The following LRRFIP1 variants were observed in gnomAD, a reference collection of about 807,000 sequenced individuals.
LRRFIP1 encodes LRR binding FLII interacting protein 1, also known as leucine-rich repeat flightless-interacting protein 1.
In LRRFIP1, 62 loss-of-function variants were observed where a neutral mutation model predicts 104.4. The observed-to-expected ratio is 0.59, with a 90% CI of 0.48 to 0.73. The LOEUF (loss-of-function observed/expected upper bound fraction) is 0.73. Ranked by LOEUF, LRRFIP1 falls within the 30% of genes least tolerant of loss-of-function variation. The probability of loss-of-function intolerance (pLI) is 0.00; values close to 1 mark genes in which losing one functional copy is unlikely to be tolerated. For missense variants in LRRFIP1, 796 were observed against 824.5 expected (o/e 0.97, Z 0.42); for synonymous variants, 300 against 299.0 (o/e 1.00, Z -0.03).
chr2:237,723,967 G>A (rs915866197), intron 7 of LRRFIP1, among the ~76,000 whole-genome samples: 5 of 151,768 alleles, frequency 3.3e-5, no homozygotes, highest in Non-Finnish European at 5.9e-5. Flanking sequence ...TGCTTTAAAA[G>A]ATTAAATGTA....
chr2:237,715,535 T>G (rs1369907267), intron 3 of LRRFIP1, among the ~76,000 whole-genome samples: 1 of 152,172 alleles, frequency 6.6e-6, no homozygotes, highest in Non-Finnish European at 1.5e-5. Flanking sequence ...TGTCAGAATG[T>G]GAATTTGTGT....
rs115012912 is a variant in LRRFIP1 at position 237,717,506 on chromosome 2, G to A, written c.202-256G>A. Among the ~76,000 whole-genome samples, 1,335 of 152,278 alleles carry A rather than the reference G, an allele frequency of 8.8e-3. 19 individuals are homozygous for A. The highest frequency in any genetic ancestry group is 0.03 in the African/African-American group (1,235 of 41,550). ...GAGGCCCTTCACCTGGGGAAGCTTC[G>A]TCCTGGGCTCTCTTGCTTTGCCGGG... is the stretch of plus-strand genomic sequence containing the variant. On this transcript the variant is annotated intron_variant, in intron 3 of 23. Coordinates refer to ENST00000308482, the MANE Select transcript of LRRFIP1 (RefSeq NM_001137550.2). The surrounding 1 kb of genome is among the most constrained non-coding windows in gnomAD (Gnocchi z 4.2).
chr2:237,697,752 A>G (rs979032297), intron 1 of LRRFIP1, among the ~76,000 whole-genome samples: 1 of 152,178 alleles, frequency 6.6e-6, no homozygotes, highest in African/African-American at 2.4e-5. Context: ...TGGAGCCCAG[A>G]CGTGCTGCCT....
At position 237,779,488 on chromosome 2, in the gene LRRFIP1, G is replaced by A. The variant is rs1369074985; in HGVS notation, c.1879G>A (p.Glu627Lys). 6 of 1,613,780 alleles carry A rather than the reference G, an allele frequency of 3.7e-6. No homozygotes were observed. Among genetic ancestry groups the A allele is most frequent in the Non-Finnish European group, 5.1e-6 (6 of 1,179,730 alleles). ...CAACGGCCACTTAGTGAAGCGTCTG[G>A]AAAAAATGAAAGCAAATCGGAGTGC... ...VSNGHLVKRL[E>K]KMKANRSALL... The change falls in exon 24 of 24, where the codon GAA becomes AAA. Residue 627 changes from glutamate to lysine, a missense_variant. Glu to Lys is a moderately conservative substitution (Grantham distance 56). Coordinates refer to ENST00000308482, the MANE Select transcript of LRRFIP1 (RefSeq NM_001137550.2).
chr2:237,670,249 C>T (rs566251645), intron 1 of LRRFIP1, among the ~76,000 whole-genome samples: 1 of 152,314 alleles, frequency 6.6e-6, no homozygotes, highest in African/African-American at 2.4e-5. Flanking sequence ...GTCAGTGCCC[C>T]GACACCTCGG....
At chr2:237,752,109 C>T (rs1481605343) in intron 14 of LRRFIP1, among the ~76,000 whole-genome samples, 3 of 152,084 alleles carry the variant, frequency 2.0e-5, no homozygotes, top group African/African-American at 4.8e-5. Context: ...TCAATTCATG[C>T]GAAAAGGAGC....
At chr2:237,666,783 C>CTTTCTT (rs1261267178) in intron 1 of LRRFIP1, among the ~76,000 whole-genome samples, 2 of 56,878 alleles carry the variant, frequency 3.5e-5, no homozygotes, top group Non-Finnish European at 8.1e-5. Context: ...CTCTCTGTCT[C>CTTTCTT]TTTCTTTCTC....
At chr2:237,634,445 G>A (rs887072008) in intron 1 of LRRFIP1, among the ~76,000 whole-genome samples, 21 of 152,152 alleles carry the variant, frequency 1.4e-4, no homozygotes, top group Non-Finnish European at 2.9e-4. Context: ...CAGATTTCCT[G>A]GGTTCAAATC....
rs775718307 is a variant in LRRFIP1 at position 237,717,729 on chromosome 2, TC to T, written c.202-32del. 2 of 1,553,676 alleles carry T rather than the reference TC, an allele frequency of 1.3e-6. No homozygotes were observed. The highest frequency in any genetic ancestry group is 3.3e-5 in the Admixed American group (2 of 59,950). On this transcript the variant is annotated intron_variant, in intron 3 of 23. Transcript: ENST00000308482. The surrounding 1 kb of genome is among the most constrained non-coding windows in gnomAD (Gnocchi z 4.2). ...AACTGCCTTTTTAAGAAATTTCACT[TC>T]TTGCCTAATTTTCTTTCCCTTCTGT...
rs192751442 is a variant in LRRFIP1, at chr2:237,655,150, G to A, written c.96+27410G>A. On this transcript the variant is annotated intron_variant, in intron 1 of 23. Transcript: ENST00000308482. ...TTTTGAGACGGAGTCTCGCTCTGTC[G>A]CCCAGGCTGGAGTGCAGTGGCGGGA... 1.0e-4 allele frequency among the ~76,000 whole-genome samples: 5 copies of A among 47,952 alleles called. 1 individual carries two copies. Among genetic ancestry groups the A allele is most frequent in the Non-Finnish European group, 1.2e-4 (3 of 24,718 alleles). The allele number at this position is 47,952 out of a possible 152,430, so 31.5% of individuals were successfully genotyped here. A position where few individuals can be genotyped will look rare whatever the true frequency, so the allele number is the denominator to read the frequency against.
At chr2:237,683,141 T>C (rs771246577) in intron 1 of LRRFIP1, among the ~76,000 whole-genome samples, 25 of 152,100 alleles carry the variant, frequency 1.6e-4, no homozygotes, top group African/African-American at 5.3e-4. Flanking sequence ...TCTTTATCAA[T>C]CCTAGGGTTT....
chr2:237,704,736 A>G (rs2093719163), intron 1 of LRRFIP1, among the ~76,000 whole-genome samples: 1 of 152,130 alleles, frequency 6.6e-6, no homozygotes, highest in South Asian at 2.1e-4. Flanking sequence ...AAGGATTTGG[A>G]ATTGTATTCA....
intron 11 of LRRFIP1, among the ~76,000 whole-genome samples, chr2:237,743,602 C>T (rs748964709): frequency 1.3e-5 from 2 of 152,194 alleles, no homozygotes; most frequent in African/African-American, 2.4e-5. Context: ...AGTTATTTCA[C>T]TCATTCATTC....
Position 237,735,476 on chromosome 2 carries a change from A to AT in LRRFIP1, c.555+145dup, listed in dbSNP as rs1271698340. 6 of 676,706 alleles carry AT rather than the reference A, an allele frequency of 8.9e-6. No homozygotes were observed. The highest frequency in any genetic ancestry group is 1.2e-5 in the Non-Finnish European group (5 of 411,876). 41.9% of individuals were successfully genotyped at this position (676,706 alleles called of 1,614,324 possible). ...GTCACCGGGCTAACCGCCACCTTCC[A>AT]TTGTAATGAAGGTCACAAATAATGT... On this transcript the variant is annotated intron_variant, in intron 10 of 23. Transcript: ENST00000308482. This position sits in a 1 kb window ranked among gnomAD's most constrained non-coding sequence, Gnocchi z 4.6.
intron 1 of LRRFIP1, among the ~76,000 whole-genome samples, chr2:237,666,234 G>A (rs755356508): frequency 1.3e-5 from 2 of 152,230 alleles, no homozygotes; most frequent in African/African-American, 4.8e-5. Flanking sequence ...CCCCCAAATC[G>A]AGCACCTCAG....
chr2:237,776,995 ATTCTT>A (rs1162983044), intron 23 of LRRFIP1, among the ~76,000 whole-genome samples: 2 of 152,082 alleles, frequency 1.3e-5, no homozygotes, highest in Admixed American at 6.5e-5. Context: ...TTCAATTTCT[ATTCTT>A]TTCAGTGATC....
At chr2:237,629,567 G>A (rs1232736341) in intron 1 of LRRFIP1, among the ~76,000 whole-genome samples, 1 of 149,376 alleles carries the variant, frequency 6.7e-6, no homozygotes, top group African/African-American at 2.5e-5. Flanking sequence ...CACCTCCCAG[G>A]CTCAAGAGAT....
Position 237,757,495 on chromosome 2 carries a change from A to G in LRRFIP1, c.1171A>G (p.Arg391Gly), listed in dbSNP as rs1182955603. 1 of 1,597,472 alleles carries G rather than the reference A, an allele frequency of 6.3e-7. No individual in the cohort carries two copies. The highest frequency in any genetic ancestry group is 1.7e-5 in the Admixed American group (1 of 57,590). Residue 391 changes from arginine (R) to glycine (G), a missense_variant, in exon 17 of 24, where the codon AGG becomes GGG. Arg to Gly is a moderately radical substitution (Grantham distance 125). Coordinates refer to ENST00000308482, the MANE Select transcript of LRRFIP1 (RefSeq NM_001137550.2). The stretch of plus-strand genomic sequence containing the variant: ...ACAGCAGAAACAGGCGAGTTCTATC[A>G]GGGAGATTTCTGATCTTCAGGAAAC... ...QLQQKQASSI[R>G]EISDLQETIE... is the part of the protein sequence containing the mutation.
intron 21 of LRRFIP1, 35 bp from the exon 22 acceptor site, chr2:237,772,831 A>C: frequency 7.2e-7 from 1 of 1,384,872 alleles, no homozygotes. Context: ...AAAGCCCAAG[A>C]GCTTAACAGA....
Sources: gnomAD v4.1 joint callset for allele counts (sites outside exome capture counted in the v4.1 genomes callset) on GRCh38, gnomAD v4.1.1 for gene constraint, Gnocchi (gnomAD v3.1) non-coding constraint, MANE v1.5 for transcripts, NCBI Gene and HGNC (gene_info 2026-07-23, HGNC 2026-07-21) for gene names.